RAD51: variants seen among roughly 807,000 people sequenced by gnomAD.
The protein encoded by RAD51 is DNA repair protein RAD51 homolog 1.
A neutral mutation model predicts 41.5 loss-of-function variants in RAD51; 14 were observed. The observed-to-expected ratio is 0.34, with a 90% CI of 0.22 to 0.53. The LOEUF is 0.53. Among genes scored for constraint, RAD51 ranks in the 20% least tolerant of loss-of-function variants. The probability of loss-of-function intolerance (pLI) is 0.95; values close to 1 mark genes in which losing one functional copy is unlikely to be tolerated. For synonymous variants in RAD51, 136 were observed against 148.6 expected, an observed-to-expected ratio of 0.92 and a Z score of 0.62; for missense variants, 234 against 422.0, an observed-to-expected ratio of 0.55 and a Z score of 3.90.
intron 4 of RAD51, among the ~76,000 whole-genome samples, chr15:40,708,586 T>C (rs1479297992): frequency 6.6e-6 from 1 of 151,608 alleles, no homozygotes; most frequent in East Asian, 1.9e-4. Context: ...TATTTGTTTG[T>C]TTGTTTGTTT....
chr15:40,711,291 G>A (rs45547034), intron 5 of RAD51, among the ~76,000 whole-genome samples: 215 of 152,266 alleles, frequency 1.4e-3, no homozygotes, highest in African/African-American at 5.0e-3. Flanking sequence ...AGCCCAGCAT[G>A]ATGATGTGTA....
intron 6 of RAD51, among the ~76,000 whole-genome samples, chr15:40,728,157 GC>G (rs1372647747): frequency 1.3e-5 from 2 of 152,130 alleles, no homozygotes; most frequent in African/African-American, 4.8e-5. Context: ...ACCGCACCTG[GC>G]CCTCAAAGAA....
chr15:40,726,246 T>C (rs1896575834), intron 6 of RAD51, among the ~76,000 whole-genome samples: 1 of 150,474 alleles, frequency 6.6e-6, no homozygotes, highest in Admixed American at 6.6e-5. Context: ...CCAGGAATTT[T>C]TTTTTTTTTT....
intron 5 of RAD51, among the ~76,000 whole-genome samples, 195 bp downstream of exon 5, chr15:40,709,311 A>G (rs905462282): frequency 2.7e-5 from 4 of 150,668 alleles, no homozygotes; most frequent in African/African-American, 9.8e-5. Context: ...TTGATCTCCT[A>G]TCAGATACGT....
chr15:40,715,457 G>A (rs1444298860), intron 5 of RAD51, among the ~76,000 whole-genome samples: 4 of 152,142 alleles, frequency 2.6e-5, no homozygotes, highest in African/African-American at 9.7e-5. Context: ...AAAGATAAAT[G>A]TACAAATAAT....
intron 5 of RAD51, among the ~76,000 whole-genome samples, chr15:40,717,969 C>T (rs142224540): frequency 3.9e-5 from 6 of 152,156 alleles, no homozygotes; most frequent in Middle Eastern, 3.4e-3. Flanking sequence ...TGGTGGCTCA[C>T]GCCTGTAATC....
chr15:40,728,931 G>T, intron 7 of RAD51, 107 bp downstream of exon 7: 1 of 976,918 alleles, frequency 1.0e-6, no homozygotes, highest in Non-Finnish European at 1.6e-6. Context: ...AAATGAGGAG[G>T]TTTAAGTATA....
chr15:40,730,520 C>CTTTTTTTTTTTTTCT (rs1555429746), intron 9 of RAD51, among the ~76,000 whole-genome samples: 1 of 113,110 alleles, frequency 8.8e-6, no homozygotes, highest in Non-Finnish European at 1.7e-5. Context: ...AATTTTTTTT[C>CTTTTTTTTTTTTTCT]TTTTTTTTTT....
chr15:40,699,855 C>T (rs1388498923), intron 2 of RAD51, among the ~76,000 whole-genome samples: 1 of 152,150 alleles, frequency 6.6e-6, no homozygotes, highest in African/African-American at 2.4e-5. Context: ...CCTGTGAGTG[C>T]AGCTGATTTG....
intron 6 of RAD51, among the ~76,000 whole-genome samples, chr15:40,720,796 A>G (rs1896231256): frequency 6.6e-6 from 1 of 152,246 alleles, no homozygotes; most frequent in South Asian, 2.1e-4. Context: ...AGATTTGTAC[A>G]GCAAAAACTC....
chr15:40,726,845 G>A (rs978557940), intron 6 of RAD51, among the ~76,000 whole-genome samples: 23 of 151,270 alleles, frequency 1.5e-4, no homozygotes, highest in Non-Finnish European at 2.5e-4. Context: ...CCTGGGAGGC[G>A]GAACTTGCAA....
Position 40,701,406 on chromosome 15 carries a change from G to T in RAD51, c.225+205G>T, listed in dbSNP as rs1286143967. On this transcript the variant is annotated intron_variant, in intron 3 of 9. Coordinates refer to ENST00000267868, the MANE Select transcript of RAD51 (RefSeq NM_002875.5). ...TTTTTTTTTTTGGAGACGGGTTCTC[G>T]CTCTGTCACACAGGGTGGAGTGCAG... is the stretch of plus-strand genomic sequence containing the variant. 3.3e-5 allele frequency among the ~76,000 whole-genome samples: 4 copies of T among 121,698 alleles called. No individual in the cohort carries two copies. The Admixed American group carries it at 4.5e-4, about 14-fold the overall frequency. 79.8% of individuals were successfully genotyped at this position (121,698 alleles called of 152,430 possible).
chr15:40,709,894 G>T (rs1895579832), intron 5 of RAD51, among the ~76,000 whole-genome samples: 1 of 151,968 alleles, frequency 6.6e-6, no homozygotes, highest in Non-Finnish European at 1.5e-5. Context: ...CAGGCACGGT[G>T]GCTCACGCCT....
At chr15:40,695,536 T>G (rs914640006) in intron 1 of RAD51, 111 bp downstream of exon 1, 3 of 152,436 alleles carry the variant, frequency 2.0e-5, no homozygotes, top group Admixed American at 6.5e-5. Context: ...GCGCGCAGTG[T>G]GAAACCCGGA....
chr15:40,728,420 C>G (rs1175120051), intron 6 of RAD51, among the ~76,000 whole-genome samples: 1 of 151,872 alleles, frequency 6.6e-6, no homozygotes, highest in Non-Finnish European at 1.5e-5. Flanking sequence ...CCGCTGCACT[C>G]CAGCCTGGGT....
At chr15:40,695,506 C>T (rs981713783) in intron 1 of RAD51, 81 bp downstream of exon 1, 5 of 152,298 alleles carry the variant, frequency 3.3e-5, no homozygotes, top group Admixed American at 3.3e-4. Flanking sequence ...GTCCAGTGCT[C>T]AGCGGCAGTT....
chr15:40,725,174 C>T (rs981095640), intron 6 of RAD51, among the ~76,000 whole-genome samples: 81 of 152,158 alleles, frequency 5.3e-4, no homozygotes, highest in African/African-American at 1.9e-3. Context: ...GCTGGGATTA[C>T]AGGCGTGAGC....
chr15:40,713,967 A>G (rs935119214), intron 5 of RAD51, among the ~76,000 whole-genome samples: 2 of 143,144 alleles, frequency 1.4e-5, no homozygotes, highest in African/African-American at 5.2e-5. Flanking sequence ...GACCTAATCC[A>G]TTGTTAACTC....
intron 6 of RAD51, among the ~76,000 whole-genome samples, chr15:40,724,856 T>C (rs1479356675): frequency 2.1e-5 from 3 of 145,798 alleles, no homozygotes; most frequent in East Asian, 2.0e-4. Context: ...TTTTTTTGTA[T>C]TTTTTAATTT....
Sources: allele counts gnomAD v4.1 joint callset (sites outside exome capture counted in the v4.1 genomes callset), GRCh38; gene constraint gnomAD v4.1.1; transcripts MANE v1.5; gene names NCBI Gene and HGNC (gene_info 2026-07-23, HGNC 2026-07-21).